The following RYR2 variants were observed in gnomAD, a reference collection of about 807,000 sequenced individuals.
The protein encoded by RYR2 is ryanodine receptor 2, also known as cardiac muscle ryanodine receptor-calcium release channel.
RYR2 carries 227 observed loss-of-function variants against 601.1 expected under a neutral mutation model. The ratio of observed to expected loss-of-function variants is 0.38; its 90% CI spans 0.34 to 0.42. The LOEUF is 0.42. RYR2 is among the 10% of genes least tolerant of loss of function. The pLI, the probability that RYR2 is intolerant of heterozygous loss-of-function variation, is 1.00. For missense variants in RYR2, 4,646 were observed against 6,156.5 expected, an observed-to-expected ratio of 0.75 and a Z score of 8.21; for synonymous variants, 2,223 against 2,175.1, an observed-to-expected ratio of 1.02 and a Z score of -0.61.
rs141032862 is a variant in RYR2, at chr1:237,433,891, A to G, written c.1006-7428A>G. Reference sequence around the variant, plus strand: ...ACACTTAAAAAAAATGATGTAACATATATCTTAGACCTGAGGTATACTTTG... The same window carrying G: ...ACACTTAAAAAAAATGATGTAACATGTATCTTAGACCTGAGGTATACTTTG... On this transcript the variant is annotated intron_variant, in intron 12 of 104. Coordinates refer to ENST00000366574, the MANE Select transcript of RYR2 (RefSeq NM_001035.3). Among the ~76,000 whole-genome samples, 1,014 of 152,338 alleles carry G rather than the reference A, an allele frequency of 6.7e-3. 2 individuals are homozygous for G. The highest frequency in any genetic ancestry group is 0.011 in the Non-Finnish European group (765 of 68,020).
At chr1:237,301,417 A>G (rs954257838) in intron 2 of RYR2, among the ~76,000 whole-genome samples, 1 of 152,180 alleles carries the variant, frequency 6.6e-6, no homozygotes, top group Non-Finnish European at 1.5e-5. Context: ...TTCATTTACT[A>G]TGGATTCATA....
intron 1 of RYR2, among the ~76,000 whole-genome samples, chr1:237,211,368 T>C (rs1682553037): frequency 6.6e-6 from 1 of 152,236 alleles, no homozygotes; most frequent in East Asian, 1.9e-4. Flanking sequence ...TTTGTTATGC[T>C]CTTTACAAGA....
chr1:237,567,747 G>T (rs1021429286), intron 28 of RYR2, among the ~76,000 whole-genome samples: 3 of 149,758 alleles, frequency 2.0e-5, no homozygotes, highest in Admixed American at 6.7e-5. Context: ...TCACATGAGG[G>T]GGAAAAAGCT....
At chr1:237,350,384 A>G (rs910426174) in intron 3 of RYR2, among the ~76,000 whole-genome samples, 2 of 151,474 alleles carry the variant, frequency 1.3e-5, no homozygotes, top group South Asian at 2.1e-4. Flanking sequence ...AGCCTGACCA[A>G]CGTGGGGAAA....
Position 237,730,276 on chromosome 1 carries a change from CTCTT to C in RYR2, c.10860_10863del (p.Leu3621ArgfsTer19). 1 of 1,604,564 alleles carries C rather than the reference CTCTT, an allele frequency of 6.2e-7. No homozygotes were observed. The highest frequency in any genetic ancestry group is 8.5e-7 in the Non-Finnish European group (1 of 1,171,516). On this transcript the variant is annotated frameshift_variant, in exon 77 of 105. Coordinates refer to ENST00000366574, the MANE Select transcript of RYR2 (RefSeq NM_001035.3). LOFTEE classifies it high-confidence loss of function. ...ACCTTTCAGGCATCGGGCTGTCAAT[CTCTT>C]TCTTCAGGGATATGAAAAGTCTTGG...
intron 1 of RYR2, among the ~76,000 whole-genome samples, chr1:237,195,593 T>C (rs1160580175): frequency 1.3e-5 from 2 of 152,204 alleles, no homozygotes; most frequent in African/African-American, 2.4e-5. Flanking sequence ...ATACATTCAT[T>C]AGGAAGTGTT....
At chr1:237,089,023 C>A (rs2148448643) in intron 1 of RYR2, among the ~76,000 whole-genome samples, 1 of 152,320 alleles carries the variant, frequency 6.6e-6, no homozygotes, top group Admixed American at 6.5e-5. Flanking sequence ...CTGGACCTCT[C>A]ATTCTTAGAT....
At chr1:237,595,744 G>T in intron 34 of RYR2, 87 bp downstream of exon 34, 1 of 1,461,208 alleles carries the variant, frequency 6.8e-7, no homozygotes. Flanking sequence ...AGATCAAAAA[G>T]TAAAATAGAC....
At chr1:237,500,602 T>A in intron 20 of RYR2, 109 bp from the exon 21 acceptor site, 1 of 810,406 alleles carries the variant, frequency 1.2e-6, no homozygotes, top group South Asian at 2.1e-5. Context: ...CCTTCTGATG[T>A]TGTGCATTGG....
At chr1:237,657,410 C>A (rs989414658) in intron 53 of RYR2, among the ~76,000 whole-genome samples, 6 of 151,856 alleles carry the variant, frequency 4.0e-5, no homozygotes, top group African/African-American at 1.4e-4. Flanking sequence ...CAGACTTGGT[C>A]ATCATTTGCA....
At chr1:237,250,415 C>T (rs780310060) in intron 1 of RYR2, among the ~76,000 whole-genome samples, 3 of 152,254 alleles carry the variant, frequency 2.0e-5, no homozygotes, top group Middle Eastern at 3.4e-3. Context: ...CTTCTTCTTC[C>T]ATTTTCTATG....
At chr1:237,604,669 C>T (rs1014218796) in intron 35 of RYR2, among the ~76,000 whole-genome samples, 3 of 151,926 alleles carry the variant, frequency 2.0e-5, no homozygotes, top group Non-Finnish European at 4.4e-5. Flanking sequence ...ATTGGTAGAC[C>T]ACTACCAAGA....
intron 7 of RYR2, 58 bp from the exon 8 acceptor site, chr1:237,377,265 A>G (rs1701118749): frequency 1.5e-6 from 2 of 1,307,748 alleles, no homozygotes; most frequent in Non-Finnish European, 1.1e-6. Flanking sequence ...ATTGGCAAAG[A>G]AAATAGATTT....
rs1449087740 is a variant in RYR2 at position 237,180,707 on chromosome 1, TAC to T, written c.49-89786_49-89785del. 4.7e-5 allele frequency among the ~76,000 whole-genome samples: 7 copies of T among 147,814 alleles called. No homozygotes were observed. The highest frequency in any genetic ancestry group is 1.5e-4 in the African/African-American group (6 of 40,664). Reference sequence around the variant, plus strand: ...GTATATATGTATATATAAGTATATATACACATATATACATATACATAGATATA... The same window carrying T: ...GTATATATGTATATATAAGTATATATACATATATACATATACATAGATATA... On this transcript the variant is annotated intron_variant, in intron 1 of 104. Coordinates refer to ENST00000366574, the MANE Select transcript of RYR2 (RefSeq NM_001035.3). This position sits in a 1 kb window ranked among gnomAD's most constrained non-coding sequence, Gnocchi z 5.3.
Position 237,107,437 on chromosome 1 carries a change from C to T in RYR2, c.48+64868C>T, listed in dbSNP as rs1010931171. 9.9e-5 allele frequency among the ~76,000 whole-genome samples: 13 copies of T among 131,292 alleles called. 1 individual carries two copies. The highest frequency in any genetic ancestry group is 8.0e-4 in the South Asian group (3 of 3,766). The allele number at this position is 131,292 out of a possible 152,430, so 86.1% of individuals were successfully genotyped here. A position where few individuals can be genotyped will look rare whatever the true frequency, so the allele number is the denominator to read the frequency against. On this transcript the variant is annotated intron_variant, in intron 1 of 104. Coordinates refer to ENST00000366574, the MANE Select transcript of RYR2 (RefSeq NM_001035.3). ...TCAGGAGGCTGAGGCAGGAGAATGGCGTGAACCCAGAGGTGGAGTTTGCAG... is the reference window on the plus strand; with the variant it reads ...TCAGGAGGCTGAGGCAGGAGAATGGTGTGAACCCAGAGGTGGAGTTTGCAG...
chr1:237,787,772 A>G (rs570254102), intron 91 of RYR2, among the ~76,000 whole-genome samples: 36 of 152,254 alleles, frequency 2.4e-4, no homozygotes, highest in Admixed American at 1.8e-3. Context: ...CTATATTTCA[A>G]CTTCACAGAA....
At chr1:237,476,235 C>T (rs959760368) in intron 17 of RYR2, among the ~76,000 whole-genome samples, 1 of 152,056 alleles carries the variant, frequency 6.6e-6, no homozygotes, top group Admixed American at 6.6e-5. Flanking sequence ...TGAGGCTGGT[C>T]GTGGTGGCTC....
At chr1:237,385,027 T>G (rs1309242251) in intron 8 of RYR2, among the ~76,000 whole-genome samples, 2 of 152,002 alleles carry the variant, frequency 1.3e-5, no homozygotes, top group African/African-American at 4.8e-5. Context: ...GTAACTGGGA[T>G]TACAAGTGCC....
intron 11 of RYR2, among the ~76,000 whole-genome samples, chr1:237,419,899 A>G (rs1705385607): frequency 6.6e-6 from 1 of 152,184 alleles, no homozygotes; most frequent in African/African-American, 2.4e-5. Context: ...TGCAATGGCC[A>G]CATAATTACT....
Sources: gnomAD v4.1 joint callset for allele counts (sites outside exome capture counted in the v4.1 genomes callset) on GRCh38, gnomAD v4.1.1 for gene constraint, Gnocchi (gnomAD v3.1) non-coding constraint, MANE v1.5 for transcripts, NCBI Gene and HGNC (gene_info 2026-07-23, HGNC 2026-07-21) for gene names.